Variants in FCER1A observed in about 807,000 individuals in gnomAD.
FCER1A encodes the protein Fc epsilon receptor Ia.
FCER1A carries 24 observed loss-of-function variants against 23.6 expected under a neutral mutation model. The ratio of observed to expected loss-of-function variants is 1.02; its 90% CI spans 0.74 to 1.43. FCER1A has a LOEUF of 1.43. Ranked by LOEUF, FCER1A falls within the 40% of genes most tolerant of loss-of-function variation. The pLI is 0.00. For synonymous variants in FCER1A, 121 were observed against 108.8 expected (o/e 1.11, Z -0.70); for missense variants, 318 against 294.5 (o/e 1.08, Z -0.58).
At chr1:159,303,882 CTT>C in intron 2 of FCER1A, 44 bp from the exon 3 acceptor site, 2 of 1,529,720 alleles carry the variant, frequency 1.3e-6, no homozygotes, top group East Asian at 2.3e-5. Flanking sequence ...TTTTCAATGA[CTT>C]TTTTTCTCTC....
At chr1:159,286,928 G>T (rs1478014092), upstream of FCER1A, among the ~76,000 whole-genome samples, 2 of 152,072 alleles carry the variant, frequency 1.3e-5, no homozygotes, top group African/African-American at 4.8e-5. Context: ...ATAGGGGGAG[G>T]AGGCAGTACC....
intron 4 of FCER1A, among the ~76,000 whole-genome samples, chr1:159,306,799 G>T (rs1372441202): frequency 1.3e-5 from 2 of 152,026 alleles, no homozygotes; most frequent in African/African-American, 4.8e-5. Flanking sequence ...AAGAAAAACT[G>T]CTCTCTCCAA....
Position 159,304,142 on chromosome 1 carries a change from A to G in FCER1A, c.291A>G (p.Gln97=), listed in dbSNP as rs569723858. The G allele has an allele frequency of 1.2e-6, 2 of 1,613,904 alleles. No homozygotes were observed. The highest frequency in any genetic ancestry group is 1.7e-6 in the Non-Finnish European group (2 of 1,179,750). ...DSGEYKCQHQ[Q]VNESEPVYLE... Reference sequence around the variant, plus strand: ...GAGAATACAAATGTCAGCACCAACAAGTTAATGAGAGTGAACCTGTGTACC... The same window carrying G: ...GAGAATACAAATGTCAGCACCAACAGGTTAATGAGAGTGAACCTGTGTACC... Residue 97 remains glutamine (Q), a synonymous_variant, in exon 3 of 5, where the codon CAA becomes CAG. Transcript: ENST00000693622.
chr1:159,287,834 G>T (rs1330961295), upstream of FCER1A, among the ~76,000 whole-genome samples: 1 of 150,614 alleles, frequency 6.6e-6, no homozygotes, highest in East Asian at 1.9e-4. Flanking sequence ...AGGAAGGAAA[G>T]GATGATTTAT....
At chr1:159,299,126 G>C (rs1027068030), upstream of FCER1A, among the ~76,000 whole-genome samples, 1 of 152,202 alleles carries the variant, frequency 6.6e-6, no homozygotes, top group African/African-American at 2.4e-5. Context: ...CATAGAGTTG[G>C]TAGTAGGAGG....
At position 159,295,061 on chromosome 1, in the gene FCER1A, G is replaced by A. The variant is rs139821205; in HGVS notation, c.-60+5308G>A. Among the ~76,000 whole-genome samples the A allele has an allele frequency of 1.5e-4, 23 of 152,210 alleles. No homozygotes were observed. The East Asian group carries it at 4.4e-3, about 29-fold the overall frequency. On this transcript the variant is annotated intron_variant, in intron 1 of 5. Coordinates refer to the FCER1A transcript ENST00000368115. ...GATTATTGAAATATATGGTTGATTA[G>A]TATAAATTCAATTTAGGAATTGAGA...
intron 1 of FCER1A, among the ~76,000 whole-genome samples, chr1:159,292,722 C>T (rs1301843054): frequency 6.6e-6 from 1 of 152,048 alleles, no homozygotes; most frequent in Non-Finnish European, 1.5e-5. Flanking sequence ...CTCCAAACTT[C>T]GTGATGAAAC....
At chr1:159,303,854 A>G in intron 2 of FCER1A, 74 bp from the exon 3 acceptor site, 1 of 1,163,698 alleles carries the variant, frequency 8.6e-7, no homozygotes, top group South Asian at 1.5e-5. Flanking sequence ...CTTCGTTTGT[A>G]CTTTTAAGCC....
At chr1:159,307,050 G>T (rs1244821680) in intron 4 of FCER1A, among the ~76,000 whole-genome samples, 1 of 152,124 alleles carries the variant, frequency 6.6e-6, no homozygotes, top group Non-Finnish European at 1.5e-5. Context: ...AGAATCATTT[G>T]ATAACTTAAA....
upstream of FCER1A, among the ~76,000 whole-genome samples, chr1:159,285,905 C>G (rs1051683248): frequency 1.3e-5 from 2 of 152,060 alleles, no homozygotes; most frequent in African/African-American, 4.8e-5. Context: ...AAAATTTAAT[C>G]CAGGCACTGT....
chr1:159,298,476 C>T (rs146842440), upstream of FCER1A, among the ~76,000 whole-genome samples: 171 of 152,178 alleles, frequency 1.1e-3, no homozygotes, highest in Middle Eastern at 0.02. Flanking sequence ...TGGGAGTTTC[C>T]ATTTATTTCC....
At chr1:159,300,617 T>A (rs1652406832), upstream of FCER1A, among the ~76,000 whole-genome samples, 1 of 152,200 alleles carries the variant, frequency 6.6e-6, no homozygotes, top group South Asian at 2.1e-4. Flanking sequence ...TAGCATAAGA[T>A]GTTGTTTATC....
chr1:159,305,968 A>G lies in FCER1A; in HGVS notation c.332-20A>G, dbSNP rs1261158765. Reference sequence around the variant, plus strand: ...CTCTTCATTTATTGTTAAATAAATAATGTAATGAATGTTCTTCAGACTGGC... The same window carrying G: ...CTCTTCATTTATTGTTAAATAAATAGTGTAATGAATGTTCTTCAGACTGGC... On this transcript the variant is annotated intron_variant, in intron 3 of 4. Transcript: ENST00000693622. The G allele has an allele frequency of 5.0e-6, 8 of 1,608,612 alleles. No homozygotes were observed. Among genetic ancestry groups the G allele is most frequent in the Non-Finnish European group, 6.8e-6 (8 of 1,175,872 alleles).
upstream of FCER1A, among the ~76,000 whole-genome samples, chr1:159,286,828 G>A (rs1479196948): frequency 6.6e-6 from 1 of 152,122 alleles, no homozygotes; most frequent in Non-Finnish European, 1.5e-5. Flanking sequence ...ATTACATCCA[G>A]TGAAAGAAAC....
At chr1:159,290,895 G>A (rs532116454) in intron 1 of FCER1A, among the ~76,000 whole-genome samples, 21 of 152,108 alleles carry the variant, frequency 1.4e-4, no homozygotes, top group Middle Eastern at 3.4e-3. Context: ...TGTATTCTAC[G>A]CAGTATTCCA....
intron 1 of FCER1A, 116 bp downstream of exon 1, chr1:159,302,535 G>T (rs1467429767): frequency 1.2e-6 from 1 of 821,212 alleles, no homozygotes; most frequent in Non-Finnish European, 2.1e-6. Flanking sequence ...CAAACTATTG[G>T]GCATTTCCCA....
chr1:159,286,523 A>G (rs867144969), upstream of FCER1A, among the ~76,000 whole-genome samples: 18 of 151,996 alleles, frequency 1.2e-4, no homozygotes, highest in East Asian at 3.9e-4. Flanking sequence ...TAGTAGGGAC[A>G]GGGTTTCACC....
chr1:159,286,403 G>C (rs1267194702), upstream of FCER1A, among the ~76,000 whole-genome samples: 1 of 151,506 alleles, frequency 6.6e-6, no homozygotes, highest in African/African-American at 2.4e-5. Flanking sequence ...CGCAGTCTCG[G>C]CTCACTGCAA....
upstream of FCER1A, among the ~76,000 whole-genome samples, chr1:159,298,445 C>T (rs1652350930): frequency 1.3e-5 from 2 of 152,160 alleles, no homozygotes. Context: ...CCTCCCTTTT[C>T]ACTCTCTTCT....
Sources: allele counts gnomAD v4.1 joint callset (sites outside exome capture counted in the v4.1 genomes callset), GRCh38; gene constraint gnomAD v4.1.1; transcripts MANE v1.5; gene names NCBI Gene and HGNC (gene_info 2026-07-23, HGNC 2026-07-21).